TTLL7: variants seen among roughly 807,000 people sequenced by gnomAD.
TTLL7 encodes tubulin tyrosine ligase like 7, also known as tubulin polyglutamylase TTLL7.
A neutral mutation model predicts 120.2 loss-of-function variants in TTLL7; 53 were observed. That is an observed-to-expected ratio of 0.44 (90% CI 0.35 to 0.55). The LOEUF (loss-of-function observed/expected upper bound fraction) is 0.55. Ranked by LOEUF, TTLL7 falls within the 20% of genes least tolerant of loss-of-function variation. The pLI, the probability that TTLL7 is intolerant of heterozygous loss-of-function variation, is 0.00. For synonymous variants in TTLL7, 353 were observed against 351.7 expected (o/e 1.00, Z -0.04); for missense variants, 803 against 1,054.7 (o/e 0.76, Z 3.31).
intron 1 of TTLL7, among the ~76,000 whole-genome samples, chr1:83,953,944 C>T (rs1649290503): frequency 6.6e-6 from 1 of 152,160 alleles, no homozygotes; most frequent in Non-Finnish European, 1.5e-5. Context: ...AAACTGATCT[C>T]AGCTCCCAAT....
intron 20 of TTLL7, among the ~76,000 whole-genome samples, chr1:83,873,879 T>A (rs1330776991): frequency 5.3e-5 from 8 of 152,244 alleles, no homozygotes; most frequent in South Asian, 4.1e-4. Flanking sequence ...TTCCCCAGAA[T>A]AATTTTAGGA....
At chr1:83,968,839 G>T (rs1650719145) in intron 1 of TTLL7, among the ~76,000 whole-genome samples, 1 of 151,970 alleles carries the variant, frequency 6.6e-6, no homozygotes, top group African/African-American at 2.4e-5. Flanking sequence ...GTTGTCTAGA[G>T]AAGTCTCCCT....
chr1:83,957,811 A>G (rs1016780792), intron 1 of TTLL7, among the ~76,000 whole-genome samples: 61 of 152,368 alleles, frequency 4.0e-4, no homozygotes, highest in African/African-American at 1.4e-3. Flanking sequence ...GTGAGAAGGC[A>G]GTCCTCTGAA....
chr1:83,914,323 C>CTTTTTTTTTTTTTTTTTTTT (rs1171299360), intron 14 of TTLL7, among the ~76,000 whole-genome samples: 1 of 78,244 alleles, frequency 1.3e-5, no homozygotes, highest in Non-Finnish European at 2.2e-5. Context: ...CTCTCTCTCT[C>CTTTTTTTTTTTTTTTTTTTT]TTTTTTTTTT....
intron 5 of TTLL7, 21 bp from the exon 6 acceptor site, chr1:83,947,303 G>A (rs1184900226): frequency 6.4e-7 from 1 of 1,564,984 alleles, no homozygotes; most frequent in East Asian, 2.4e-5. Flanking sequence ...GACATAATAG[G>A]AAAAATAATT....
chr1:83,981,775 G>A (rs1651982438), intron 1 of TTLL7, among the ~76,000 whole-genome samples: 1 of 151,110 alleles, frequency 6.6e-6, no homozygotes, highest in South Asian at 2.1e-4. Context: ...AGCTTTCAGT[G>A]AGCCAAGATC....
At chr1:83,940,003 C>T (rs967754355) in intron 7 of TTLL7, among the ~76,000 whole-genome samples, 7 of 152,056 alleles carry the variant, frequency 4.6e-5, no homozygotes, top group Non-Finnish European at 8.8e-5. Context: ...CATATCTCAA[C>T]CTAGAAATTC....
Position 83,921,268 on chromosome 1 carries a change from C to T in TTLL7, c.1269G>A (p.Leu423=). The part of the protein sequence containing the change: ...SSDWEQQRHQ[L]ERRKEELKER... ...ATACCAACTCTTCTTTCCGCCTCTC[C>T]AACTGGTGTCTCTGCTGTTCCCAGT... The change falls in exon 11 of 21, where the codon TTG becomes TTA. Residue 423 remains leucine, a synonymous_variant. Coordinates refer to ENST00000260505, the MANE Select transcript of TTLL7 (RefSeq NM_024686.6). 1 of 1,612,990 alleles carries T rather than the reference C, an allele frequency of 6.2e-7. No homozygotes were observed. The highest frequency in any genetic ancestry group is 8.5e-7 in the Non-Finnish European group (1 of 1,179,660).
chr1:83,991,199 A>AG (rs1185919249), intron 1 of TTLL7, among the ~76,000 whole-genome samples: 1 of 152,116 alleles, frequency 6.6e-6, no homozygotes, highest in African/African-American at 2.4e-5. Flanking sequence ...GGGTGAAGCT[A>AG]GGGGGAGGTG....
intron 13 of TTLL7, among the ~76,000 whole-genome samples, chr1:83,919,166 G>T (rs2100790786): frequency 6.6e-6 from 1 of 151,910 alleles, no homozygotes; most frequent in East Asian, 1.9e-4. Context: ...GCTGTGCCCA[G>T]CCACGATTGC....
At chr1:83,870,352 T>C (rs1653251432) in intron 20 of TTLL7, among the ~76,000 whole-genome samples, 1 of 152,198 alleles carries the variant, frequency 6.6e-6, no homozygotes, top group African/African-American at 2.4e-5. Flanking sequence ...CTAATGTTAA[T>C]TTAGAATTCA....
intron 1 of TTLL7, among the ~76,000 whole-genome samples, chr1:83,976,020 ATT>A (rs1377997272): frequency 3.7e-5 from 5 of 134,550 alleles, no homozygotes; most frequent in African/African-American, 8.7e-5. Flanking sequence ...GTGTCCTGAA[ATT>A]TTGTCTCTCT....
chr1:83,879,077 G>C (rs1654212026), intron 20 of TTLL7, among the ~76,000 whole-genome samples: 1 of 151,708 alleles, frequency 6.6e-6, no homozygotes, highest in South Asian at 2.1e-4. Context: ...ATTTATAAAT[G>C]CTATAAATAT....
In TTLL7 at chr1:83,906,341, A is replaced by C; in HGVS notation, c.2115T>G (p.Leu705=). ...FPGKSDAESE[L]LIEDIIDNWK... ...ATCACATACTCACATCTTCTATCAG[A>C]AGTTCTGATTCTGCATCTGACTTTC... Residue 705 remains leucine, a synonymous_variant, in exon 17 of 21, where the codon CTT becomes CTG. Transcript: ENST00000260505. The C allele has an allele frequency of 1.2e-6, 2 of 1,612,118 alleles. No individual in the cohort carries two copies. Among genetic ancestry groups the C allele is most frequent in the East Asian group, 4.5e-5 (2 of 44,726 alleles).
intron 9 of TTLL7, 21 bp from the exon 10 acceptor site, chr1:83,929,251 A>G: frequency 1.3e-6 from 2 of 1,550,978 alleles, no homozygotes; most frequent in Non-Finnish European, 1.8e-6. Context: ...CAAAGAAGAC[A>G]ATATTGGAAG....
chr1:83,886,985 C>A (rs756367401), intron 19 of TTLL7, among the ~76,000 whole-genome samples: 6 of 151,962 alleles, frequency 3.9e-5, no homozygotes, highest in Non-Finnish European at 7.4e-5. Context: ...TCATAACATT[C>A]CCAGGAGGCT....
intron 18 of TTLL7, among the ~76,000 whole-genome samples, chr1:83,901,753 A>C (rs149496566): frequency 6.6e-6 from 1 of 151,990 alleles, no homozygotes; most frequent in African/African-American, 2.4e-5. Context: ...AATGTGCAAC[A>C]GTGAGTTCAG....
intron 1 of TTLL7, among the ~76,000 whole-genome samples, chr1:83,996,331 G>T (rs1034157882): frequency 6.6e-6 from 1 of 152,178 alleles, no homozygotes; most frequent in Admixed American, 6.5e-5. Context: ...TATGGAGAAT[G>T]TAAGAAAGAG....
At chr1:83,943,994 G>C (rs1288250086) in intron 6 of TTLL7, among the ~76,000 whole-genome samples, 1 of 151,978 alleles carries the variant, frequency 6.6e-6, no homozygotes, top group Non-Finnish European at 1.5e-5. Context: ...TTGGAGTTGA[G>C]AAGTATAATA....
Sources: gnomAD v4.1 joint callset for allele counts (sites outside exome capture counted in the v4.1 genomes callset) on GRCh38, gnomAD v4.1.1 for gene constraint, MANE v1.5 for transcripts, NCBI Gene and HGNC (gene_info 2026-07-23, HGNC 2026-07-21) for gene names.